The following CHD6 variants were observed in gnomAD, a reference collection of about 807,000 sequenced individuals.
CHD6 encodes ATP-dependent chromatin remodeler CHD6.
CHD6 carries 50 observed loss-of-function variants against 276.9 expected under a neutral mutation model. That is an observed-to-expected ratio of 0.18 (90% CI 0.14 to 0.23). CHD6 has a LOEUF of 0.23. Among genes scored for constraint, CHD6 ranks in the 10% least tolerant of loss-of-function variants. The pLI is 1.00. For synonymous variants in CHD6, 1,173 were observed against 1,229.3 expected (o/e 0.95, Z 0.96); for missense variants, 2,564 against 3,365.8 (o/e 0.76, Z 5.89).
At chr20:41,539,886 T>TA (rs1306350734) in intron 2 of CHD6, among the ~76,000 whole-genome samples, 1 of 152,240 alleles carries the variant, frequency 6.6e-6, no homozygotes, top group African/African-American at 2.4e-5. Context: ...TACGGAGGTT[T>TA]AAAAGACATG....
intron 16 of CHD6, among the ~76,000 whole-genome samples, chr20:41,477,129 T>C (rs1294098952): frequency 6.6e-6 from 1 of 152,120 alleles, no homozygotes; most frequent in Non-Finnish European, 1.5e-5. Flanking sequence ...TCGTCCTAGC[T>C]ACTCAGGAGG....
rs764301079 is a variant in CHD6 at position 41,451,064 on chromosome 20, T to C, written c.3565A>G (p.Thr1189Ala). 1.2e-6 allele frequency: 2 copies of C among 1,614,086 alleles called. No homozygotes were observed. The highest frequency in any genetic ancestry group is 3.3e-5 in the Admixed American group (2 of 60,022). ...TCTGGGATTAGCAACTGGTTCTTCG[T>C]CTTCTTCCCCTTCCTCCCTCTGGGG... is the stretch of plus-strand genomic sequence containing the variant. ...PVPRGRKGKK[T>A]KNQLLIPELK... Residue 1189 changes from threonine to alanine, a missense_variant, in exon 23 of 37, where the codon ACG (threonine) becomes GCG (alanine). Coordinates refer to ENST00000373233, the MANE Select transcript of CHD6 (RefSeq NM_032221.5).
intron 1 of CHD6, among the ~76,000 whole-genome samples, chr20:41,606,792 T>A (rs1410529885): frequency 6.6e-6 from 1 of 152,164 alleles, no homozygotes; most frequent in Non-Finnish European, 1.5e-5. Context: ...TGGAATCACC[T>A]GGGAAATTAT....
At position 41,433,006 on chromosome 20, in the gene CHD6, A is replaced by G. The variant is rs186137636; in HGVS notation, c.4068+4268T>C. 1.9e-3 allele frequency among the ~76,000 whole-genome samples: 285 copies of G among 152,262 alleles called. 4 individuals carry two copies. The highest frequency in any genetic ancestry group is 1.5e-3 in the South Asian group (7 of 4,814). On this transcript the variant is annotated intron_variant, in intron 27 of 36. Transcript: ENST00000373233. ...CCCAAAACCCTCAGGAGAAGACTCA[A>G]CAGCAGAATGGTGGAGGAAAATAAT...
chr20:41,419,957 T>C (rs2047131937), intron 31 of CHD6, among the ~76,000 whole-genome samples: 1 of 152,226 alleles, frequency 6.6e-6, no homozygotes, highest in Non-Finnish European at 1.5e-5. Context: ...TTCTTCATTG[T>C]TGTAAACTTT....
intron 16 of CHD6, among the ~76,000 whole-genome samples, chr20:41,476,778 T>C (rs1171340742): frequency 2.0e-5 from 3 of 149,892 alleles, no homozygotes; most frequent in African/African-American, 7.4e-5. Flanking sequence ...TGCAAAGATG[T>C]CAGTCTAAAA....
At chr20:41,561,661 TG>T (rs764590118) in intron 1 of CHD6, among the ~76,000 whole-genome samples, 22 of 152,162 alleles carry the variant, frequency 1.4e-4, no homozygotes, top group Non-Finnish European at 2.4e-4. Flanking sequence ...AAAAATGAGA[TG>T]TAAGTTTTTA....
chr20:41,468,708 G>A (rs1035980930), intron 17 of CHD6, among the ~76,000 whole-genome samples: 13 of 152,028 alleles, frequency 8.6e-5, no homozygotes, highest in African/African-American at 2.9e-4. Context: ...CCAGACACAC[G>A]TACTGTCAAG....
At chr20:41,424,765 T>C (rs2145492151) in intron 29 of CHD6, among the ~76,000 whole-genome samples, 1 of 152,332 alleles carries the variant, frequency 6.6e-6, no homozygotes, top group South Asian at 2.1e-4. Flanking sequence ...GCTTGTATTT[T>C]ACGGTATTTA....
At chr20:41,593,215 T>C (rs1384351600) in intron 1 of CHD6, among the ~76,000 whole-genome samples, 1 of 105,960 alleles carries the variant, frequency 9.4e-6, no homozygotes, top group Non-Finnish European at 2.0e-5. Context: ...GGGGGGGGGG[T>C]TAAATAGTAA....
At chr20:41,432,679 T>C (rs543234298) in intron 27 of CHD6, among the ~76,000 whole-genome samples, 5 of 151,736 alleles carry the variant, frequency 3.3e-5, no homozygotes, top group African/African-American at 1.2e-4. Context: ...ATGTCCAAAA[T>C]GTCCAGGTTC....
intron 2 of CHD6, among the ~76,000 whole-genome samples, chr20:41,549,414 G>GT (rs1174567249): frequency 6.9e-6 from 1 of 144,870 alleles, no homozygotes; most frequent in African/African-American, 2.6e-5. Context: ...AACACTGCAT[G>GT]TTCTCACTCA....
At chr20:41,606,498 A>G (rs557168724) in intron 1 of CHD6, among the ~76,000 whole-genome samples, 1 of 152,060 alleles carries the variant, frequency 6.6e-6, no homozygotes, top group Admixed American at 6.5e-5. Flanking sequence ...TGGGCGACGG[A>G]GCGAGACTCT....
chr20:41,571,377 G>GTCTGGCCA (rs1316546978), intron 1 of CHD6, among the ~76,000 whole-genome samples: 42 of 150,686 alleles, frequency 2.8e-4, no homozygotes, highest in Non-Finnish European at 5.5e-4. Context: ...AAGAAAGGAA[G>GTCTGGCCA]TCTGGCCATT....
chr20:41,486,803 T>C (rs1313737399), intron 14 of CHD6, among the ~76,000 whole-genome samples: 2 of 152,162 alleles, frequency 1.3e-5, no homozygotes, highest in Non-Finnish European at 2.9e-5. Context: ...TAATCAGATG[T>C]TTCCCCACTA....
intron 1 of CHD6, among the ~76,000 whole-genome samples, chr20:41,606,250 G>A (rs934111239): frequency 5.3e-5 from 8 of 152,244 alleles, no homozygotes; most frequent in Admixed American, 6.5e-5. Flanking sequence ...GGTAGCTCAC[G>A]TCTGTAATCC....
At chr20:41,505,649 T>TA (rs1370140499) in intron 5 of CHD6, among the ~76,000 whole-genome samples, 5 of 152,270 alleles carry the variant, frequency 3.3e-5, no homozygotes, top group African/African-American at 1.2e-4. Context: ...TATATATATA[T>TA]TTTTTCCAAT....
At chr20:41,415,090 T>C (rs2046952360) in intron 34 of CHD6, 96 bp downstream of exon 34, 1 of 1,495,294 alleles carries the variant, frequency 6.7e-7, no homozygotes, top group Non-Finnish European at 9.0e-7. Flanking sequence ...GAAATAGAGA[T>C]AAAAGATCCA....
At chr20:41,558,294 A>T (rs2045262584) in intron 1 of CHD6, among the ~76,000 whole-genome samples, 2 of 152,190 alleles carry the variant, frequency 1.3e-5, no homozygotes, top group Non-Finnish European at 2.9e-5. Context: ...TGACGACGAG[A>T]CATGTGAATG....
Sources: allele counts gnomAD v4.1 joint callset (sites outside exome capture counted in the v4.1 genomes callset), GRCh38; gene constraint gnomAD v4.1.1; transcripts MANE v1.5; gene names NCBI Gene and HGNC (gene_info 2026-07-23, HGNC 2026-07-21).